Variants in ZFYVE1 observed in about 807,000 individuals in gnomAD.
ZFYVE1 encodes the protein zinc finger FYVE-type containing 1.
A neutral mutation model predicts 74.4 loss-of-function variants in ZFYVE1; 30 were observed. That is an observed-to-expected ratio of 0.40 (90% CI 0.30 to 0.55). The LOEUF (loss-of-function observed/expected upper bound fraction) is 0.55, where lower values mean the gene tolerates loss of function less well. Ranked by LOEUF, ZFYVE1 falls within the 20% of genes least tolerant of loss-of-function variation. The probability of loss-of-function intolerance (pLI) is 0.42; values close to 1 mark genes in which losing one functional copy is unlikely to be tolerated. For synonymous variants in ZFYVE1, 335 were observed against 385.1 expected, an observed-to-expected ratio of 0.87 and a Z score of 1.52; for missense variants, 703 against 1,011.6, an observed-to-expected ratio of 0.69 and a Z score of 4.14.
chr14:72,987,967 A>G (rs1893520002), intron 4 of ZFYVE1, among the ~76,000 whole-genome samples: 1 of 152,216 alleles, frequency 6.6e-6, no homozygotes, highest in South Asian at 2.1e-4. Context: ...AAACAGCTGC[A>G]TAGCTCTCTC....
chr14:72,980,647 G>A (rs1455378875), intron 5 of ZFYVE1, among the ~76,000 whole-genome samples: 2 of 151,608 alleles, frequency 1.3e-5, no homozygotes, highest in African/African-American at 2.4e-5. Flanking sequence ...AGCTCACTGC[G>A]GGCTCCGCCT....
rs3061072 is a variant in ZFYVE1, at chr14:72,998,319, CAAA to C, written c.484-7_484-5del. On this transcript the variant is annotated splice_region_variant and splice_polypyrimidine_tract_variant and intron_variant, in intron 2 of 11. Coordinates refer to ENST00000556143, the MANE Select transcript of ZFYVE1 (RefSeq NM_021260.4). The stretch of plus-strand genomic sequence containing the variant: ...TAAAGTCTTCTTCATTTGTTACCTG[CAAA>C]AAAAAAAAAAAAGACCATGAAATAC... 389 of 1,219,934 alleles carry C rather than the reference CAAA, an allele frequency of 3.2e-4. No homozygotes were observed. Among genetic ancestry groups the C allele is most frequent in the South Asian group, 1.4e-3 (57 of 39,480 alleles). The allele number at this position is 1,219,934 out of a possible 1,614,324, so 75.6% of individuals were successfully genotyped here.
chr14:73,004,458 T>C (rs187342125), intron 2 of ZFYVE1, among the ~76,000 whole-genome samples: 2 of 147,584 alleles, frequency 1.4e-5, no homozygotes, highest in East Asian at 4.0e-4. Flanking sequence ...CCAAATGATG[T>C]ACTATATATA....
At chr14:73,000,354 T>C (rs1181532502) in intron 2 of ZFYVE1, among the ~76,000 whole-genome samples, 2 of 151,646 alleles carry the variant, frequency 1.3e-5, no homozygotes, top group Non-Finnish European at 2.9e-5. Flanking sequence ...ATAATCCCAG[T>C]ACTTTGGGAG....
In ZFYVE1 at chr14:72,974,924, G is replaced by A. The variant is rs151266277; in HGVS notation, c.1842C>T (p.Asn614=). 1,421 of 1,613,734 alleles carry A rather than the reference G, an allele frequency of 8.8e-4. 1 individual carries two copies. Among genetic ancestry groups the A allele is most frequent in the South Asian group, 3.8e-3 (344 of 91,066 alleles). The change falls in exon 10 of 12, where the codon AAC becomes AAT. Residue 614 remains asparagine (N), a synonymous_variant. Coordinates refer to ENST00000556143, the MANE Select transcript of ZFYVE1 (RefSeq NM_021260.4). The part of the protein sequence containing the change: ...CNKCATSFKD[N]DTKHHCRACG... ...AGGCTCGGCAGTGATGCTTAGTGTCGTTATCTTTAAAGGACGTCGCACACT... is the reference window on the plus strand; with the variant it reads ...AGGCTCGGCAGTGATGCTTAGTGTCATTATCTTTAAAGGACGTCGCACACT...
In ZFYVE1 at chr14:72,975,974, G is replaced by A. The variant is rs561530975; in HGVS notation, c.1636-253C>T. On this transcript the variant is annotated intron_variant, in intron 8 of 11. Transcript: ENST00000556143. This position sits in a 1 kb window ranked among gnomAD's most constrained non-coding sequence, Gnocchi z 4.1. ...ATACAGGAGATGACACCTCCTCCAG[G>A]GGGCCCCGCACCGCAGGCTGAGTTA... 2 of 413,532 alleles carry A rather than the reference G, an allele frequency of 4.8e-6. No homozygotes were observed. The highest frequency in any genetic ancestry group is 4.1e-5 in the Admixed American group (1 of 24,108). 25.6% of individuals were successfully genotyped at this position (413,532 alleles called of 1,614,324 possible).
At chr14:72,980,323 G>T (rs1028223743) in intron 5 of ZFYVE1, among the ~76,000 whole-genome samples, 8 of 152,114 alleles carry the variant, frequency 5.3e-5, no homozygotes, top group African/African-American at 1.9e-4. Context: ...GGGTGGTTCT[G>T]GTAGAAGCAA....
intron 2 of ZFYVE1, among the ~76,000 whole-genome samples, chr14:73,005,840 G>A (rs1012055262): frequency 1.3e-5 from 2 of 152,156 alleles, no homozygotes; most frequent in African/African-American, 4.8e-5. Context: ...ATTCAGCAAT[G>A]TAGTAAGATC....
chr14:72,996,106 C>T (rs548278946), intron 3 of ZFYVE1, among the ~76,000 whole-genome samples: 6 of 152,026 alleles, frequency 3.9e-5, no homozygotes, highest in Admixed American at 3.9e-4. Flanking sequence ...ACATGGCAGT[C>T]GGGGTGGCAG....
intron 4 of ZFYVE1, among the ~76,000 whole-genome samples, chr14:72,990,099 T>C (rs1158215015): frequency 6.6e-6 from 1 of 152,236 alleles, no homozygotes; most frequent in Non-Finnish European, 1.5e-5. Flanking sequence ...ACCTTAAAAG[T>C]GGCTATTAGA....
At chr14:73,021,116 G>A (rs1006338087) in intron 2 of ZFYVE1, among the ~76,000 whole-genome samples, 13 of 152,014 alleles carry the variant, frequency 8.6e-5, no homozygotes, top group South Asian at 2.1e-4. Flanking sequence ...AGGCTGAGGC[G>A]GGCGGATAAC....
At chr14:72,994,851 C>T (rs1276973862) in intron 3 of ZFYVE1, among the ~76,000 whole-genome samples, 1 of 152,204 alleles carries the variant, frequency 6.6e-6, no homozygotes, top group African/African-American at 2.4e-5. Flanking sequence ...ATATACTTAA[C>T]TAATCACCTT....
chr14:73,019,506 G>C (rs1264140816), intron 2 of ZFYVE1, among the ~76,000 whole-genome samples: 1 of 152,104 alleles, frequency 6.6e-6, no homozygotes. Flanking sequence ...GAACCTAACT[G>C]ATAGACACTT....
In ZFYVE1 at chr14:72,977,948, C is replaced by T. The variant is rs765511526; in HGVS notation, c.1614G>A (p.Glu538=). ...QDPVDTVVRT[E]IVHVWPGTDG... ...TTACTCCAGGCCACACATGCACAATCTCTGTCCGCACCACCGTATCCACAG... is the reference window on the plus strand; with the variant it reads ...TTACTCCAGGCCACACATGCACAATTTCTGTCCGCACCACCGTATCCACAG... The change falls in exon 8 of 12, where the codon GAG becomes GAA. Residue 538 remains glutamate (E), a synonymous_variant. Transcript: ENST00000556143. 7.4e-6 allele frequency: 12 copies of T among 1,614,184 alleles called. No homozygotes were observed. The highest frequency in any genetic ancestry group is 1.0e-5 in the Non-Finnish European group (12 of 1,180,032).
chr14:72,970,836 C>T lies in ZFYVE1; in HGVS notation c.*46G>A. 10 of 1,598,218 alleles carry T rather than the reference C, an allele frequency of 6.3e-6. No individual in the cohort carries two copies. The highest frequency in any genetic ancestry group is 8.6e-6 in the Non-Finnish European group (10 of 1,168,748). On this transcript the variant is annotated 3_prime_UTR_variant, in exon 12 of 12. Coordinates refer to ENST00000556143, the MANE Select transcript of ZFYVE1 (RefSeq NM_021260.4). ...CCTACCTCGCAAGACTGTTTCTAAC[C>T]CTGAGAACCTAAGGAATTGTGAAGG...
At chr14:73,002,185 A>G (rs1463427867) in intron 2 of ZFYVE1, among the ~76,000 whole-genome samples, 1 of 152,166 alleles carries the variant, frequency 6.6e-6, no homozygotes, top group Non-Finnish European at 1.5e-5. Flanking sequence ...AAGACCACAT[A>G]GTGTACGACT....
chr14:72,975,328 C>G lies in ZFYVE1; in HGVS notation c.1806+223G>C. 3.4e-6 allele frequency: 2 copies of G among 595,504 alleles called. No individual in the cohort carries two copies. The highest frequency in any genetic ancestry group is 4.7e-5 in the South Asian group (2 of 42,234). The allele number at this position is 595,504 out of a possible 1,614,324, so 36.9% of individuals were successfully genotyped here. On this transcript the variant is annotated intron_variant, in intron 9 of 11. Transcript: ENST00000556143. The surrounding 1 kb of genome is among the most constrained non-coding windows in gnomAD (Gnocchi z 4.1). Reference sequence around the variant, plus strand: ...GTCGTCACACACAAGGAAACTAAAACTCACCAAACAGAAAATACTTGCAGG... The same window carrying G: ...GTCGTCACACACAAGGAAACTAAAAGTCACCAAACAGAAAATACTTGCAGG...
At chr14:73,016,086 C>T (rs1002312280) in intron 2 of ZFYVE1, among the ~76,000 whole-genome samples, 10 of 152,192 alleles carry the variant, frequency 6.6e-5, no homozygotes, top group Non-Finnish European at 1.3e-4. Flanking sequence ...TATCCTCTTC[C>T]CCCACTAAGA....
chr14:72,972,333 C>T (rs1254665034), intron 11 of ZFYVE1, among the ~76,000 whole-genome samples: 1 of 152,220 alleles, frequency 6.6e-6, no homozygotes, highest in Non-Finnish European at 1.5e-5. Context: ...TGGTACTCAA[C>T]ACCCTGTGGG....
Sources: gnomAD v4.1 joint callset for allele counts (sites outside exome capture counted in the v4.1 genomes callset) on GRCh38, gnomAD v4.1.1 for gene constraint, Gnocchi (gnomAD v3.1) non-coding constraint, MANE v1.5 for transcripts, NCBI Gene and HGNC (gene_info 2026-07-23, HGNC 2026-07-21) for gene names.